SNX29: variants seen among roughly 807,000 people sequenced by gnomAD.
The protein encoded by SNX29 is sorting nexin-29.
A neutral mutation model predicts 102.1 loss-of-function variants in SNX29; 78 were observed. The observed-to-expected ratio is 0.76, with a 90% confidence interval of 0.64 to 0.92. SNX29 has a LOEUF of 0.92. Among genes scored for constraint, SNX29 ranks in the 40% least tolerant of loss-of-function variants. The pLI is 0.00. For missense variants in SNX29, 1,280 were observed against 1,061.7 expected, an observed-to-expected ratio of 1.21 and a Z score of -2.86; for synonymous variants, 580 against 414.5, an observed-to-expected ratio of 1.40 and a Z score of -4.85.
chr16:12,512,477 G>A (rs910997914), intron 19 of SNX29, among the ~76,000 whole-genome samples: 2 of 142,560 alleles, frequency 1.4e-5, no homozygotes, highest in South Asian at 2.3e-4. Flanking sequence ...GCAGTGGTGC[G>A]ATCTCAGCTC....
intron 20 of SNX29, among the ~76,000 whole-genome samples, chr16:12,534,174 C>A (rs889595239): frequency 6.6e-6 from 1 of 152,258 alleles, no homozygotes; most frequent in Non-Finnish European, 1.5e-5. Context: ...GCGGTTCTGA[C>A]TGAGGTCTTC....
chr16:12,409,772 A>G (rs150123872), intron 18 of SNX29, among the ~76,000 whole-genome samples: 196 of 152,336 alleles, frequency 1.3e-3, no homozygotes, highest in Admixed American at 0.011. Context: ...GAAGTAATAC[A>G]TCAGTGTACT....
chr16:12,309,382 C>T (rs546208219), intron 15 of SNX29, among the ~76,000 whole-genome samples: 1 of 152,332 alleles, frequency 6.6e-6, no homozygotes, highest in East Asian at 1.9e-4. Flanking sequence ...TGCATGGTCT[C>T]TGCTCAGTTA....
At chr16:12,440,894 TG>T (rs1202529141) in intron 18 of SNX29, among the ~76,000 whole-genome samples, 1 of 152,162 alleles carries the variant, frequency 6.6e-6, no homozygotes, top group African/African-American at 2.4e-5. Flanking sequence ...AGTACTGCAG[TG>T]AATATGTGCT....
intron 11 of SNX29, among the ~76,000 whole-genome samples, chr16:12,079,805 G>C (rs1194710963): frequency 6.6e-6 from 1 of 152,180 alleles, no homozygotes; most frequent in Non-Finnish European, 1.5e-5. Context: ...GACCAAAATA[G>C]CCATTTTAGC....
intron 13 of SNX29, among the ~76,000 whole-genome samples, chr16:12,141,443 G>C (rs1250213786): frequency 6.6e-6 from 1 of 152,258 alleles, no homozygotes; most frequent in Non-Finnish European, 1.5e-5. Flanking sequence ...AGTGCTTAAA[G>C]TGAAGGCAAG....
intron 15 of SNX29, among the ~76,000 whole-genome samples, chr16:12,346,148 G>A (rs1053454288): frequency 4.6e-5 from 7 of 152,078 alleles, no homozygotes; most frequent in African/African-American, 1.4e-4. Context: ...AGCTGGTGGC[G>A]GGGGCAGCAG....
At position 12,572,309 on chromosome 16, in the gene SNX29, G is replaced by GC. The variant is rs397771109; in HGVS notation, c.*3680_*3681insC. 1.9e-6 allele frequency: 2 copies of GC among 1,062,874 alleles called. No homozygotes were observed. 65.8% of individuals were successfully genotyped at this position (1,062,874 alleles called of 1,614,324 possible). A position where few individuals can be genotyped will look rare whatever the true frequency, so the allele number is the denominator to read the frequency against. On this transcript the variant is annotated 3_prime_UTR_variant, in exon 21 of 21. Transcript: ENST00000566228. ...ACTGGGGCCAGTGATCACAATCCAGGTTGGAAACAGGAGTGAAGCCCACCA... is the reference window on the plus strand; with the variant it reads ...ACTGGGGCCAGTGATCACAATCCAGGCTTGGAAACAGGAGTGAAGCCCACCA...
intron 19 of SNX29, among the ~76,000 whole-genome samples, chr16:12,487,065 T>A (rs557987278): frequency 1.3e-5 from 2 of 152,186 alleles, no homozygotes; most frequent in East Asian, 1.9e-4. Flanking sequence ...TGTGCCTGTT[T>A]CCCCTTTTAT....
At chr16:12,152,404 G>C (rs573899440) in intron 13 of SNX29, among the ~76,000 whole-genome samples, 1 of 152,310 alleles carries the variant, frequency 6.6e-6, no homozygotes, top group East Asian at 1.9e-4. Flanking sequence ...GTCATTTCAA[G>C]GTTTGGCCTC....
At chr16:12,482,350 A>G (rs2087986434) in intron 19 of SNX29, among the ~76,000 whole-genome samples, 1 of 151,466 alleles carries the variant, frequency 6.6e-6, no homozygotes, top group South Asian at 2.1e-4. Flanking sequence ...CACCCAGACT[A>G]GAGTTCTGTG....
chr16:12,572,818 G>C lies in SNX29; in HGVS notation c.*4189G>C. On this transcript the variant is annotated 3_prime_UTR_variant, in exon 21 of 21. Coordinates refer to ENST00000566228, the MANE Select transcript of SNX29 (RefSeq NM_032167.5). ...CCCAGTACATCAGACTGGTTAGGAG[G>C]CATCCCAGAAGGGGCAGCCTCATGC... 5 of 1,063,728 alleles carry C rather than the reference G, an allele frequency of 4.7e-6. No homozygotes were observed. The highest frequency in any genetic ancestry group is 5.7e-6 in the Non-Finnish European group (5 of 878,242). 65.9% of individuals were successfully genotyped at this position (1,063,728 alleles called of 1,614,324 possible).
chr16:12,371,093 C>A (rs377051777), intron 16 of SNX29, among the ~76,000 whole-genome samples: 72 of 152,284 alleles, frequency 4.7e-4, no homozygotes, highest in African/African-American at 1.6e-3. Flanking sequence ...TGGTGTTCTC[C>A]CAGATATTCG....
At chr16:12,092,680 T>C (rs1219111405) in intron 11 of SNX29, among the ~76,000 whole-genome samples, 1 of 152,220 alleles carries the variant, frequency 6.6e-6, no homozygotes, top group Non-Finnish European at 1.5e-5. Flanking sequence ...AAGGATTCTT[T>C]GTGGTGCTGA....
chr16:12,524,377 G>T (rs1351306349), intron 19 of SNX29, among the ~76,000 whole-genome samples: 1 of 151,920 alleles, frequency 6.6e-6, no homozygotes, highest in Non-Finnish European at 1.5e-5. Context: ...GGCCACAGCA[G>T]TGTGTTCATT....
chr16:12,376,736 C>CAAAAAAAAA (rs71408262), intron 16 of SNX29, among the ~76,000 whole-genome samples: 2 of 77,922 alleles, frequency 2.6e-5, no homozygotes, highest in Non-Finnish European at 4.6e-5. Flanking sequence ...GACTCTGTCT[C>CAAAAAAAAA]AAAAAAAAAA....
At chr16:12,485,845 G>T (rs910640000) in intron 19 of SNX29, among the ~76,000 whole-genome samples, 1 of 152,218 alleles carries the variant, frequency 6.6e-6, no homozygotes, top group Non-Finnish European at 1.5e-5. Flanking sequence ...AGCAGAGAAG[G>T]CTTCCTGCAG....
intron 18 of SNX29, among the ~76,000 whole-genome samples, chr16:12,422,307 G>C (rs1337753788): frequency 6.6e-6 from 1 of 152,156 alleles, no homozygotes; most frequent in Non-Finnish European, 1.5e-5. Flanking sequence ...GTGGCAGAGA[G>C]GAATCAGAGC....
At chr16:12,296,473 C>A (rs2151081796) in intron 15 of SNX29, among the ~76,000 whole-genome samples, 1 of 152,280 alleles carries the variant, frequency 6.6e-6, no homozygotes, top group East Asian at 1.9e-4. Context: ...ATTACTAGGC[C>A]AGCAGACTTT....
Sources: gnomAD v4.1 joint callset for allele counts (sites outside exome capture counted in the v4.1 genomes callset) on GRCh38, gnomAD v4.1.1 for gene constraint, MANE v1.5 for transcripts, NCBI Gene and HGNC (gene_info 2026-07-23, HGNC 2026-07-21) for gene names.